CDH18: variants seen among roughly 807,000 people sequenced by gnomAD.
CDH18 encodes the protein cadherin 18.
A neutral mutation model predicts 67.9 loss-of-function variants in CDH18; 31 were observed. That is an observed-to-expected ratio of 0.46 (90% confidence interval 0.34 to 0.62). The LOEUF (loss-of-function observed/expected upper bound fraction) is 0.62, where lower values mean the gene tolerates loss of function less well. CDH18 is among the 20% of genes least tolerant of loss of function. The pLI is 0.01. For synonymous variants in CDH18, 362 were observed against 347.2 expected, an observed-to-expected ratio of 1.04 and a Z score of -0.48; for missense variants, 890 against 975.5, an observed-to-expected ratio of 0.91 and a Z score of 1.17.
chr5:19,632,855 A>G (rs533914403), intron 5 of CDH18, among the ~76,000 whole-genome samples: 2 of 152,092 alleles, frequency 1.3e-5, no homozygotes, highest in Non-Finnish European at 2.9e-5. Flanking sequence ...TCTGTGTTCT[A>G]CAGGTGCTTC....
At chr5:20,512,784 TG>T (rs1275873402) in intron 1 of CDH18, among the ~76,000 whole-genome samples, 1 of 151,146 alleles carries the variant, frequency 6.6e-6, no homozygotes, top group Non-Finnish European at 1.5e-5. Flanking sequence ...CCTGGGAGGC[TG>T]AGGCAGGAGA....
At chr5:20,566,536 T>TA (rs1257883840) in intron 1 of CDH18, among the ~76,000 whole-genome samples, 1 of 145,722 alleles carries the variant, frequency 6.9e-6, no homozygotes, top group Non-Finnish European at 1.5e-5. Flanking sequence ...ATTTTTTTTT[T>TA]TTTTTTTTTT....
chr5:20,501,473 ATATACATAT>A (rs1754250289), intron 1 of CDH18, among the ~76,000 whole-genome samples: 2 of 91,770 alleles, frequency 2.2e-5, no homozygotes, highest in Non-Finnish European at 4.5e-5. Flanking sequence ...TATATATATT[ATATACATAT>A]TATATATATT....
intron 2 of CDH18, among the ~76,000 whole-genome samples, chr5:20,216,147 G>T (rs1740751358): frequency 6.6e-6 from 1 of 151,694 alleles, no homozygotes; most frequent in African/African-American, 2.4e-5. Flanking sequence ...AAATCCAATT[G>T]CAGTAGTAAC....
At chr5:19,737,441 C>T (rs1210767587) in intron 4 of CDH18, among the ~76,000 whole-genome samples, 1 of 152,122 alleles carries the variant, frequency 6.6e-6, no homozygotes, top group Non-Finnish European at 1.5e-5. Context: ...TGACCATAAA[C>T]CTGGTCATTT....
intron 1 of CDH18, among the ~76,000 whole-genome samples, chr5:20,452,941 TAGAG>T (rs1750570034): frequency 6.6e-6 from 1 of 152,056 alleles, no homozygotes; most frequent in South Asian, 2.1e-4. Flanking sequence ...ACACCAACGA[TAGAG>T]AATTACCATG....
At chr5:19,558,764 C>T (rs1184804034) in intron 8 of CDH18, among the ~76,000 whole-genome samples, 1 of 151,810 alleles carries the variant, frequency 6.6e-6, no homozygotes, top group East Asian at 1.9e-4. Context: ...TTCCACAAGA[C>T]AGAGAAGGAG....
chr5:19,827,429 G>C (rs983645970), intron 3 of CDH18, among the ~76,000 whole-genome samples: 1 of 150,994 alleles, frequency 6.6e-6, no homozygotes, highest in African/African-American at 2.4e-5. Flanking sequence ...CTGAAAAACA[G>C]ATTGTAAATT....
At chr5:20,431,487 C>CAAAAAAAAAAA (rs560015111) in intron 1 of CDH18, among the ~76,000 whole-genome samples, 5 of 65,932 alleles carry the variant, frequency 7.6e-5, no homozygotes, top group East Asian at 4.3e-4. Flanking sequence ...GAGTGAAACT[C>CAAAAAAAAAAA]AAAAAAAAAA....
At chr5:19,591,929 A>C (rs935956211) in intron 6 of CDH18, among the ~76,000 whole-genome samples, 16 of 152,094 alleles carry the variant, frequency 1.1e-4, no homozygotes, top group Non-Finnish European at 2.2e-4. Flanking sequence ...ATTAAACAGC[A>C]TTTGTGAATT....
intron 2 of CDH18, among the ~76,000 whole-genome samples, chr5:19,891,296 C>A (rs1194851464): frequency 6.6e-6 from 1 of 151,974 alleles, no homozygotes; most frequent in African/African-American, 2.4e-5. Flanking sequence ...TTTCAGAATT[C>A]TTGTCTGGAT....
intron 2 of CDH18, among the ~76,000 whole-genome samples, chr5:20,207,640 G>C (rs10941657): frequency 0.69 from 105,546 of 151,886 alleles, 37,290 homozygotes; most frequent in African/African-American, 0.84. Flanking sequence ...GAGAACAGCA[G>C]GGGAAAGACC....
rs190647999 is a variant in CDH18 at position 20,064,522 on chromosome 5, T to A, written c.-517-72508A>T. Among the ~76,000 whole-genome samples the A allele has an allele frequency of 2.6e-3, 403 of 152,282 alleles. 1 individual carries two copies. The highest frequency in any genetic ancestry group is 9.2e-3 in the African/African-American group (382 of 41,568). On this transcript the variant is annotated intron_variant, in intron 2 of 14. Coordinates refer to the CDH18 transcript ENST00000507958. The stretch of plus-strand genomic sequence containing the variant: ...GATTAGAAATACATTTTATCTCATT[T>A]TAAAATTGCTGTATGATTTTATTTG...
chr5:19,842,421 G>A (rs1186430278), intron 2 of CDH18, among the ~76,000 whole-genome samples: 1 of 152,096 alleles, frequency 6.6e-6, no homozygotes, highest in African/African-American at 2.4e-5. Flanking sequence ...TTTATAAGGG[G>A]CTCTTCTCCC....
chr5:20,203,230 C>T (rs1479255117), intron 2 of CDH18, among the ~76,000 whole-genome samples: 1 of 152,108 alleles, frequency 6.6e-6, no homozygotes, highest in Non-Finnish European at 1.5e-5. Context: ...TGTTTCAATT[C>T]GTGGGAAGCA....
chr5:19,679,136 G>C (rs1759903334), intron 5 of CDH18, among the ~76,000 whole-genome samples: 1 of 151,934 alleles, frequency 6.6e-6, no homozygotes, highest in South Asian at 2.1e-4. Flanking sequence ...ATGCAAATTT[G>C]GTTCAACATA....
rs140006442 is a variant in CDH18 at position 19,928,832 on chromosome 5, T to C, written c.-257+52228A>G. The stretch of plus-strand genomic sequence containing the variant: ...CAGGCACTGCTAAGCTCTTCACATA[T>C]GTTATCTTATTTAGTCCCTACAACA... On this transcript the variant is annotated intron_variant, in intron 2 of 12. Coordinates refer to ENST00000382275, the MANE Select transcript of CDH18 (RefSeq NM_004934.5). Among the ~76,000 whole-genome samples the C allele has an allele frequency of 2.7e-4, 41 of 152,220 alleles. No individual in the cohort carries two copies. The East Asian group carries it at 6.8e-3, about 25-fold the overall frequency.
intron 3 of CDH18, among the ~76,000 whole-genome samples, chr5:19,837,958 C>T (rs1183508760): frequency 6.6e-6 from 1 of 152,098 alleles, no homozygotes; most frequent in East Asian, 1.9e-4. Flanking sequence ...ACTTCGTTCT[C>T]AATCCTAGAG....
chr5:20,537,829 C>T (rs79754888), intron 1 of CDH18, among the ~76,000 whole-genome samples: 1,621 of 152,226 alleles, frequency 0.011, 20 homozygotes, highest in African/African-American at 0.035. Flanking sequence ...TGTACTTTGT[C>T]GTCCTCTGTG....
Sources: allele counts gnomAD v4.1 joint callset (sites outside exome capture counted in the v4.1 genomes callset), GRCh38; gene constraint gnomAD v4.1.1; transcripts MANE v1.5; gene names NCBI Gene and HGNC (gene_info 2026-07-23, HGNC 2026-07-21).